Variants in CNTNAP2 observed in about 807,000 individuals in gnomAD.
The protein encoded by CNTNAP2 is contactin-associated protein-like 2.
In CNTNAP2, 98 loss-of-function variants were observed where a neutral mutation model predicts 155.2. That is an observed-to-expected ratio of 0.63 (90% confidence interval 0.54 to 0.75). CNTNAP2 has a LOEUF of 0.75. Among genes scored for constraint, CNTNAP2 ranks in the 30% least tolerant of loss-of-function variants. The pLI is 0.00. For missense variants in CNTNAP2, 1,727 were observed against 1,688.1 expected (o/e 1.02, Z -0.40); for synonymous variants, 651 against 631.2 (o/e 1.03, Z -0.47).
At chr7:146,603,209 G>A (rs187333157) in intron 1 of CNTNAP2, among the ~76,000 whole-genome samples, 17 of 151,338 alleles carry the variant, frequency 1.1e-4, no homozygotes, top group Admixed American at 2.6e-4. Context: ...TCAGGAGATC[G>A]AGACCATCCT....
At chr7:146,657,850 A>G (rs1393982226) in intron 1 of CNTNAP2, among the ~76,000 whole-genome samples, 1 of 152,120 alleles carries the variant, frequency 6.6e-6, no homozygotes, top group Non-Finnish European at 1.5e-5. Context: ...TTTTAATTCT[A>G]TTAAATATCA....
chr7:146,742,062 T>G (rs1325952626), intron 1 of CNTNAP2, among the ~76,000 whole-genome samples: 2 of 125,172 alleles, frequency 1.6e-5, no homozygotes, highest in Non-Finnish European at 3.6e-5. Flanking sequence ...CCTTTTAGAC[T>G]GTGTTAAAAA....
At chr7:147,082,469 A>C (rs1800155551) in intron 4 of CNTNAP2, 1 of 152,138 alleles carries the variant, frequency 6.6e-6, no homozygotes. Context: ...GGAGAATAGA[A>C]AACTAGTCTG....
intron 1 of CNTNAP2, among the ~76,000 whole-genome samples, chr7:146,219,342 C>T (rs6965767): frequency 0.03 from 4,591 of 152,218 alleles, 235 homozygotes; most frequent in African/African-American, 0.11. Flanking sequence ...CAGAATATTA[C>T]CCTTTAAAGT....
chr7:147,890,382 C>T (rs1799669979), intron 13 of CNTNAP2, among the ~76,000 whole-genome samples: 1 of 152,124 alleles, frequency 6.6e-6, no homozygotes, highest in African/African-American at 2.4e-5. Context: ...AATTCTTGTA[C>T]ACTTTTGGTG....
intron 3 of CNTNAP2, among the ~76,000 whole-genome samples, chr7:146,896,746 G>T (rs1464514156): frequency 6.6e-6 from 1 of 151,862 alleles, no homozygotes; most frequent in African/African-American, 2.4e-5. Context: ...AAATAATTCT[G>T]ATAATTAGTT....
chr7:147,410,911 T>C (rs1483945683), intron 10 of CNTNAP2, among the ~76,000 whole-genome samples: 1 of 152,220 alleles, frequency 6.6e-6, no homozygotes, highest in Admixed American at 6.5e-5. Flanking sequence ...TCTAGGTAGT[T>C]CCAGCTGGAT....
intron 12 of CNTNAP2, among the ~76,000 whole-genome samples, chr7:147,603,750 G>T (rs930507332): frequency 6.6e-6 from 1 of 152,108 alleles, no homozygotes; most frequent in Admixed American, 6.5e-5. Flanking sequence ...CCAAAAAAGA[G>T]CCCACATCAC....
chr7:147,108,360 G>A lies in CNTNAP2; in HGVS notation c.754+10G>A. 3 of 1,609,790 alleles carry A rather than the reference G, an allele frequency of 1.9e-6. No individual in the cohort carries two copies. The highest frequency in any genetic ancestry group is 2.5e-6 in the Non-Finnish European group (3 of 1,177,006). ...CTCAGTTTAAACTTAGGTGTGTTCT[G>A]ACTGTCAGTTCTATTCTTTCCGTTA... On this transcript the variant is annotated intron_variant, in intron 5 of 23. Coordinates refer to ENST00000361727, the MANE Select transcript of CNTNAP2 (RefSeq NM_014141.6).
intron 9 of CNTNAP2, among the ~76,000 whole-genome samples, chr7:147,365,975 C>T (rs191296481): frequency 7.4e-4 from 112 of 152,076 alleles, no homozygotes; most frequent in East Asian, 4.8e-3. Flanking sequence ...GTTTTTTATT[C>T]GGCACTGATT....
intron 1 of CNTNAP2, among the ~76,000 whole-genome samples, chr7:146,679,304 C>A (rs1243133551): frequency 6.6e-6 from 1 of 150,380 alleles, no homozygotes; most frequent in Non-Finnish European, 1.5e-5. Flanking sequence ...GGATTATGGC[C>A]TCTAGCTCCA....
intron 1 of CNTNAP2, among the ~76,000 whole-genome samples, chr7:146,329,731 G>A (rs989090441): frequency 6.6e-6 from 1 of 151,840 alleles, no homozygotes; most frequent in Non-Finnish European, 1.5e-5. Flanking sequence ...TTAACACATC[G>A]GTATTACTGC....
intron 10 of CNTNAP2, among the ~76,000 whole-genome samples, chr7:147,448,484 G>GTGTATATATATA (rs778509274): frequency 1.4e-5 from 2 of 143,414 alleles, no homozygotes; most frequent in African/African-American, 2.6e-5. Context: ...GTGTGTGTGT[G>GTGTATATATATA]TATATATATA....
intron 3 of CNTNAP2, among the ~76,000 whole-genome samples, chr7:146,844,417 TG>T (rs1194459783): frequency 2.6e-5 from 4 of 152,120 alleles, no homozygotes; most frequent in African/African-American, 9.7e-5. Flanking sequence ...TAAATAAAAT[TG>T]CCCAAAAAAT....
chr7:146,578,393 G>A (rs1042317488), intron 1 of CNTNAP2, among the ~76,000 whole-genome samples: 10 of 151,986 alleles, frequency 6.6e-5, no homozygotes, highest in South Asian at 2.1e-4. Context: ...TTGTACCTGC[G>A]TCTTAGACAC....
At chr7:146,388,835 T>C (rs1795499062) in intron 1 of CNTNAP2, among the ~76,000 whole-genome samples, 1 of 152,152 alleles carries the variant, frequency 6.6e-6, no homozygotes, top group Non-Finnish European at 1.5e-5. Context: ...GATTTTTAGA[T>C]CTCACAAATA....
intron 1 of CNTNAP2, among the ~76,000 whole-genome samples, chr7:146,616,519 T>C (rs548448506): frequency 1.3e-5 from 2 of 152,198 alleles, no homozygotes; most frequent in Admixed American, 1.3e-4. Context: ...CCAGCTTCAA[T>C]GAAGTTGTTC....
rs577820488 is a variant in CNTNAP2, at chr7:147,362,264, C to A, written c.1499-33345C>A. 6.6e-5 allele frequency among the ~76,000 whole-genome samples: 10 copies of A among 152,246 alleles called. No homozygotes were observed. In the South Asian group the frequency reaches 1.9e-3, roughly 28 times the overall value. ...CTTTCCACCTCAGCCTTTCAAGTAGCGGGGATTACAGTTGCATGCCACCAC... is the reference window on the plus strand; with the variant it reads ...CTTTCCACCTCAGCCTTTCAAGTAGAGGGGATTACAGTTGCATGCCACCAC... On this transcript the variant is annotated intron_variant, in intron 9 of 23. Transcript: ENST00000361727.
chr7:147,956,983 T>C (rs186921449), intron 14 of CNTNAP2, among the ~76,000 whole-genome samples: 4 of 152,306 alleles, frequency 2.6e-5, no homozygotes, highest in East Asian at 3.9e-4. Flanking sequence ...ACCTTTTGTT[T>C]GCTTGTTTTT....
Sources: allele counts gnomAD v4.1 joint callset (sites outside exome capture counted in the v4.1 genomes callset), GRCh38; gene constraint gnomAD v4.1.1; transcripts MANE v1.5; gene names NCBI Gene and HGNC (gene_info 2026-07-23, HGNC 2026-07-21).